The following SHANK1 variants were observed in gnomAD, a reference collection of about 807,000 sequenced individuals.
The protein encoded by SHANK1 is SH3 and multiple ankyrin repeat domains 1, also known as SH3 and multiple ankyrin repeat domains protein 1.
Under a neutral mutation model 165.6 loss-of-function variants are expected in SHANK1, and 35 were observed. The observed-to-expected ratio is 0.21, with a 90% confidence interval of 0.16 to 0.28. SHANK1 has a LOEUF of 0.28. Ranked by LOEUF, SHANK1 falls within the 10% of genes least tolerant of loss-of-function variation. The pLI is 1.00. For synonymous variants in SHANK1, 1,428 were observed against 1,384.8 expected (o/e 1.03, Z -0.69); for missense variants, 2,681 against 3,036.4 (o/e 0.88, Z 2.75).
rs1043872322 is a variant in SHANK1, at chr19:50,694,487, C to A, written c.1964+2609G>T. On this transcript the variant is annotated intron_variant, in intron 15 of 23. Transcript: ENST00000293441. ...CCACGGTGGCTCCCCACAGGGAGGG[C>A]TCCGGGGAATGGGGGCGCTAAGGGC... Among the ~76,000 whole-genome samples the A allele has an allele frequency of 3.5e-5, 5 of 144,806 alleles. No homozygotes were observed. In the Admixed American group the frequency reaches 3.5e-4, roughly 10 times the overall value. The allele number at this position is 144,806 out of a possible 152,430, so 95.0% of individuals were successfully genotyped here.
rs1985766958 is a variant in SHANK1 at position 50,670,898 on chromosome 19, A to G, written c.2674+1120T>C. ...AACCTCTGCCTCTCGGGTTCAAGCTATTCTCCTGCCTCAGCCTCCTGAGTA... is the reference window on the plus strand; with the variant it reads ...AACCTCTGCCTCTCGGGTTCAAGCTGTTCTCCTGCCTCAGCCTCCTGAGTA... On this transcript the variant is annotated intron_variant, in intron 22 of 23. Transcript: ENST00000293441. This position sits in a 1 kb window ranked among gnomAD's most constrained non-coding sequence, Gnocchi z 4.1. Among the ~76,000 whole-genome samples, 1 of 151,378 alleles carries G rather than the reference A, an allele frequency of 6.6e-6. No homozygotes were observed. The highest frequency in any genetic ancestry group is 1.9e-4 in the East Asian group (1 of 5,144).
At chr19:50,664,361 G>A (rs186486749) in intron 23 of SHANK1, among the ~76,000 whole-genome samples, 80 of 152,196 alleles carry the variant, frequency 5.3e-4, no homozygotes, top group African/African-American at 1.8e-3. Flanking sequence ...CGAATTCTGC[G>A]ACGATGCAGC....
chr19:50,711,102 C>T (rs1186388313), intron 8 of SHANK1: 24 of 439,774 alleles, frequency 5.5e-5, no homozygotes, highest in Non-Finnish European at 1.3e-5. Context: ...GTTGTCTGCC[C>T]TCTGCTAGGC....
At position 50,660,577 on chromosome 19, in the gene SHANK1, G is replaced by A. The variant is rs73042560; in HGVS notation, c.*1388C>T. Among the ~76,000 whole-genome samples, 22,679 of 151,888 alleles carry A rather than the reference G, an allele frequency of 0.15. 1,799 individuals carry two copies. Among genetic ancestry groups the A allele is most frequent in the East Asian group, 0.21 (1,107 of 5,154 alleles). On this transcript the variant is annotated 3_prime_UTR_variant, in exon 24 of 24. Coordinates refer to ENST00000293441, the MANE Select transcript of SHANK1 (RefSeq NM_016148.5). Reference sequence around the variant, plus strand: ...TGACAGTTACAGCCCAAGAGTGCATGGAATGAGATGAGTGTGCAAAAGGAA... The same window carrying A: ...TGACAGTTACAGCCCAAGAGTGCATAGAATGAGATGAGTGTGCAAAAGGAA...
intron 4 of SHANK1, 147 bp downstream of exon 4, chr19:50,715,512 C>A: frequency 1.4e-6 from 1 of 712,890 alleles, no homozygotes; most frequent in East Asian, 2.5e-5. Flanking sequence ...TACAGCATCC[C>A]AAGTTAAGCG....
rs756213443 is a variant in SHANK1 at position 50,686,991 on chromosome 19, C to T, written c.2390-179G>A. 14 of 1,437,166 alleles carry T rather than the reference C, an allele frequency of 9.7e-6. No homozygotes were observed. The highest frequency in any genetic ancestry group is 3.1e-5 in the Admixed American group (1 of 32,328). The allele number at this position is 1,437,166 out of a possible 1,614,324, so 89.0% of individuals were successfully genotyped here. A position where few individuals can be genotyped will look rare whatever the true frequency, so the allele number is the denominator to read the frequency against. On this transcript the variant is annotated intron_variant, in intron 19 of 23. Transcript: ENST00000293441. This position sits in a 1 kb window ranked among gnomAD's most constrained non-coding sequence, Gnocchi z 5.7. Reference sequence around the variant, plus strand: ...CCGGCGGGGTCGGGAGACGGGGGCCCTCCCGCCAGTCCTGTGCCCACTCAC... The same window carrying T: ...CCGGCGGGGTCGGGAGACGGGGGCCTTCCCGCCAGTCCTGTGCCCACTCAC...
At position 50,704,315 on chromosome 19, in the gene SHANK1, C is replaced by T. The variant is rs911906465; in HGVS notation, c.1155+122G>A. 9.9e-6 allele frequency: 13 copies of T among 1,318,064 alleles called. No homozygotes were observed. The African/African-American group carries it at 1.0e-4, about 10-fold the overall frequency. 81.6% of individuals were successfully genotyped at this position (1,318,064 alleles called of 1,614,324 possible). A position where few individuals can be genotyped will look rare whatever the true frequency, so the allele number is the denominator to read the frequency against. On this transcript the variant is annotated intron_variant, in intron 9 of 23. Coordinates refer to ENST00000293441, the MANE Select transcript of SHANK1 (RefSeq NM_016148.5). Reference sequence around the variant, plus strand: ...GACAATGCCGCCCTCTGTCTTCTTCCAGCTCCCCCTCCACGGCCTGTCTCC... The same window carrying T: ...GACAATGCCGCCCTCTGTCTTCTTCTAGCTCCCCCTCCACGGCCTGTCTCC...
Position 50,697,015 on chromosome 19 carries a change from G to A in SHANK1, c.1964+81C>T, listed in dbSNP as rs1289659046. 2.2e-5 allele frequency: 25 copies of A among 1,156,972 alleles called. No homozygotes were observed. Among genetic ancestry groups the A allele is most frequent in the Admixed American group, 2.0e-4 (12 of 58,908 alleles). The allele number at this position is 1,156,972 out of a possible 1,614,324, so 71.7% of individuals were successfully genotyped here. On this transcript the variant is annotated intron_variant, in intron 15 of 23. Transcript: ENST00000293441. This position sits in a 1 kb window ranked among gnomAD's most constrained non-coding sequence, Gnocchi z 4.7. Reference sequence around the variant, plus strand: ...ACACCAAGAAACCTCAGCTCTGGTCGTGCACACACGTTCACACGCCCCCCA... The same window carrying A: ...ACACCAAGAAACCTCAGCTCTGGTCATGCACACACGTTCACACGCCCCCCA...
chr19:50,672,063 A>C lies in SHANK1; in HGVS notation c.2629T>G (p.Phe877Val). The C allele has an allele frequency of 6.2e-7, 1 of 1,614,006 alleles. No individual in the cohort carries two copies. The highest frequency in any genetic ancestry group is 8.5e-7 in the Non-Finnish European group (1 of 1,179,976). Residue 877 changes from phenylalanine to valine, a missense_variant, in exon 22 of 24, where the codon TTC becomes GTC. Physicochemically the swap from Phe to Val is conservative, Grantham distance 50. Around this residue, in one of 10 missense-constraint regions of SHANK1, gnomAD observed 206 missense variants for 216.0 expected, o/e 0.95. Coordinates refer to ENST00000293441, the MANE Select transcript of SHANK1 (RefSeq NM_016148.5). ...ATCAACCCAGGTCCTGGAGGCAGGA[A>C]AGAAGGACGCTCGTAACTTGGCTGG... ...RAQPSYERPS[F>V]LPPGPGLMLR...
chr19:50,669,359 C>G, intron 22 of SHANK1, 74 bp from the exon 23 acceptor site: 1 of 957,408 alleles, frequency 1.0e-6, no homozygotes, highest in Non-Finnish European at 1.6e-6. Context: ...CCCATAGAAC[C>G]GCAACAATAC....
intron 4 of SHANK1, among the ~76,000 whole-genome samples, chr19:50,714,789 A>T (rs1258319746): frequency 1.3e-5 from 2 of 152,278 alleles, no homozygotes; most frequent in African/African-American, 2.4e-5. Flanking sequence ...ATATAGCTAC[A>T]ATGTTACTGT....
chr19:50,715,986 A>G (rs1264909496), intron 3 of SHANK1, among the ~76,000 whole-genome samples: 1 of 152,158 alleles, frequency 6.6e-6, no homozygotes, highest in Non-Finnish European at 1.5e-5. Flanking sequence ...CCCCACAGGG[A>G]ATGTTCTAGA....
In SHANK1 at chr19:50,662,961, C is replaced by A. The variant is rs568641680; in HGVS notation, c.5769-279G>T. On this transcript the variant is annotated intron_variant, in intron 23 of 23. Transcript: ENST00000293441. The surrounding 1 kb of genome is among the most constrained non-coding windows in gnomAD (Gnocchi z 7.7). ...GACATTAAGTGATAATAATAATAAT[C>A]GTCACCGCTTACTGATGCTCACGTG... is the stretch of plus-strand genomic sequence containing the variant. 3 of 486,656 alleles carry A rather than the reference C, an allele frequency of 6.2e-6. No homozygotes were observed. Among genetic ancestry groups the A allele is most frequent in the Non-Finnish European group, 1.1e-5 (3 of 269,222 alleles). 30.1% of individuals were successfully genotyped at this position (486,656 alleles called of 1,614,324 possible).
rs1231891454 is a variant in SHANK1, at chr19:50,666,618, G to C, written c.5342C>G (p.Thr1781Ser). The change falls in exon 23 of 24, where the codon ACC (threonine) becomes AGC (serine). Residue 1781 changes from threonine (T) to serine (S), a missense_variant. This residue lies in a region of SHANK1 where 1,713 missense variants were observed against 1,630.2 expected (regional missense o/e 1.05). Transcript: ENST00000293441. ...GPSGGLRDPV[T>S]PTSPTVSVTG... The stretch of plus-strand genomic sequence containing the variant: ...CACCGAGACGGTGGGGCTGGTGGGG[G>C]TAACAGGGTCTCGGAGTCCCCCGCT... 1 of 1,600,594 alleles carries C rather than the reference G, an allele frequency of 6.2e-7. No individual in the cohort carries two copies. The highest frequency in any genetic ancestry group is 1.3e-5 in the African/African-American group (1 of 74,978).
chr19:50,697,571 G>C lies in SHANK1; in HGVS notation c.1937+18C>G. ...ACTTGGGGTGAGGGGGGTTGCCCGA[G>C]GGTGTAAGGACATTTACCTTGGGGC... is the stretch of plus-strand genomic sequence containing the variant. On this transcript the variant is annotated intron_variant, in intron 14 of 23. Transcript: ENST00000293441. The surrounding 1 kb of genome is among the most constrained non-coding windows in gnomAD (Gnocchi z 4.7). 1 of 1,602,746 alleles carries C rather than the reference G, an allele frequency of 6.2e-7. No homozygotes were observed. Among genetic ancestry groups the C allele is most frequent in the Non-Finnish European group, 8.5e-7 (1 of 1,169,634 alleles).
intron 21 of SHANK1, among the ~76,000 whole-genome samples, 153 bp from the exon 22 acceptor site, chr19:50,672,267 C>T (rs575780152): frequency 4.6e-5 from 7 of 152,096 alleles, no homozygotes; most frequent in Admixed American, 6.6e-5. Flanking sequence ...GGAAGGAGGC[C>T]GGGCAACGTG....
At position 50,714,191 on chromosome 19, in the gene SHANK1, C is replaced by G. The variant is rs1427778499; in HGVS notation, c.631G>C (p.Asp211His). The G allele has an allele frequency of 6.2e-7, 1 of 1,614,108 alleles. No homozygotes were observed. Among genetic ancestry groups the G allele is most frequent in the Non-Finnish European group, 8.5e-7 (1 of 1,179,970 alleles). ...KGLDPNYHDS[D>H]SGETPLTLAA... ...GCGCACCCCTCCCTACCTCCCGAAT[C>G]CGAGTCATGGTAATTGGGGTCCAGC... is the stretch of plus-strand genomic sequence containing the variant. Residue 211 changes from aspartate to histidine, a missense_variant, in exon 5 of 24, where the codon GAT becomes CAT. By Grantham distance (81) the Asp-to-His change is moderately conservative (BLOSUM62 -1). Around this residue, in one of 10 missense-constraint regions of SHANK1, gnomAD observed 189 missense variants for 440.9 expected, o/e 0.43. Coordinates refer to ENST00000293441, the MANE Select transcript of SHANK1 (RefSeq NM_016148.5).
At position 50,703,814 on chromosome 19, in the gene SHANK1, G is replaced by A; in HGVS notation, c.1239C>T (p.Ser413=). The A allele has an allele frequency of 4.2e-6, 6 of 1,429,828 alleles. No individual in the cohort carries two copies. Among genetic ancestry groups the A allele is most frequent in the Non-Finnish European group, 5.5e-6 (6 of 1,096,476 alleles). The allele number at this position is 1,429,828 out of a possible 1,614,324, so 88.6% of individuals were successfully genotyped here. The stretch of plus-strand genomic sequence containing the variant: ...CCCGTCGCCGGGCCGCGTACTTGGG[G>A]GACTCCTGGAAGGGCACTGAGAGGG... ...REQDVVPFQE[S]PKYAARRRGP... The change falls in exon 11 of 24, where the codon TCC becomes TCT. Residue 413 remains serine, a synonymous_variant. Transcript: ENST00000293441.
At position 50,668,783 on chromosome 19, in the gene SHANK1, C is replaced by CGGG; in HGVS notation, c.3174_3176dup (p.Pro1059dup). On this transcript the variant is annotated inframe_insertion, in exon 23 of 24. Coordinates refer to ENST00000293441, the MANE Select transcript of SHANK1 (RefSeq NM_016148.5). Reference sequence around the variant, plus strand: ...CGTGGTGCGATGGGGACGGGGCCCCCGGGGTCGGGCTGGGCCCGCCGCCCC... The same window carrying CGGG: ...CGTGGTGCGATGGGGACGGGGCCCCCGGGGGGGTCGGGCTGGGCCCGCCGCCCC... The CGGG allele has an allele frequency of 7.9e-7, 1 of 1,269,330 alleles. No individual in the cohort carries two copies. Among genetic ancestry groups the CGGG allele is most frequent in the Non-Finnish European group, 9.9e-7 (1 of 1,013,400 alleles). The allele number at this position is 1,269,330 out of a possible 1,614,324, so 78.6% of individuals were successfully genotyped here. A position where few individuals can be genotyped will look rare whatever the true frequency, so the allele number is the denominator to read the frequency against.
Sources: gnomAD v4.1 joint callset for allele counts (sites outside exome capture counted in the v4.1 genomes callset) on GRCh38, gnomAD v4.1.1 for gene constraint, gnomAD v4.1.1 regional missense constraint, Gnocchi (gnomAD v3.1) non-coding constraint, MANE v1.5 for transcripts, NCBI Gene and HGNC (gene_info 2026-07-23, HGNC 2026-07-21) for gene names.